The following WWOX variants were observed in gnomAD, a reference collection of about 807,000 sequenced individuals.
WWOX encodes WW domain-containing oxidoreductase.
In WWOX, 69 loss-of-function variants were observed where a neutral mutation model predicts 46.2. That is an observed-to-expected ratio of 1.49 (90% CI 1.23 to 1.82). WWOX has a LOEUF of 1.82. Among genes scored for constraint, WWOX ranks in the 40% most tolerant of loss-of-function variants. The pLI is 0.00. For synonymous variants in WWOX, 359 were observed against 202.6 expected (o/e 1.77, Z -6.56); for missense variants, 919 against 542.6 (o/e 1.69, Z -6.89).
chr16:78,821,803 C>A (rs2051503256), intron 8 of WWOX, among the ~76,000 whole-genome samples: 1 of 152,152 alleles, frequency 6.6e-6, no homozygotes, highest in Non-Finnish European at 1.5e-5. Flanking sequence ...AAATAGTCAG[C>A]AAATACCATC....
At chr16:78,825,382 T>C (rs1377851762) in intron 8 of WWOX, 3 of 260,864 alleles carry the variant, frequency 1.2e-5, no homozygotes, top group African/African-American at 6.7e-5. Context: ...AAGACGCTTC[T>C]CTGAAGCTCA....
At chr16:78,643,140 G>C (rs2046759753) in intron 8 of WWOX, among the ~76,000 whole-genome samples, 1 of 152,126 alleles carries the variant, frequency 6.6e-6, no homozygotes, top group South Asian at 2.1e-4. Context: ...CAGCTATCCA[G>C]ACCCAAGAGG....
At chr16:78,723,082 C>G (rs1173768258) in intron 8 of WWOX, among the ~76,000 whole-genome samples, 2 of 152,000 alleles carry the variant, frequency 1.3e-5, no homozygotes, top group Admixed American at 6.6e-5. Context: ...ATGATGAGTA[C>G]CTGGATTAAA....
chr16:78,210,474 GAC>G (rs532381377), intron 5 of WWOX, among the ~76,000 whole-genome samples: 42 of 151,950 alleles, frequency 2.8e-4, no homozygotes, highest in Admixed American at 1.7e-3. Context: ...GTTGAAACCT[GAC>G]ACACACACGC....
intron 8 of WWOX, among the ~76,000 whole-genome samples, chr16:79,004,957 A>G (rs913740330): frequency 3.7e-4 from 57 of 152,162 alleles, no homozygotes; most frequent in African/African-American, 1.3e-3. Context: ...TTCAGAAAGG[A>G]GGAGTTGTTG....
chr16:78,701,504 T>C (rs1479000277), intron 8 of WWOX, among the ~76,000 whole-genome samples: 1 of 152,096 alleles, frequency 6.6e-6, no homozygotes, highest in Non-Finnish European at 1.5e-5. Flanking sequence ...TCTCTCTACC[T>C]CTATCTCTTC....
Position 78,152,454 on chromosome 16 carries a change from G to A in WWOX, c.410-11729G>A, listed in dbSNP as rs187325832. On this transcript the variant is annotated intron_variant, in intron 4 of 8. Coordinates refer to ENST00000566780, the MANE Select transcript of WWOX (RefSeq NM_016373.4). ...CAAAGAGCATGTCCACTTCAAATTT[G>A]ATAGCTATGTCCCAACTGCCCCCAA... Among the ~76,000 whole-genome samples the A allele has an allele frequency of 3.5e-4, 53 of 152,238 alleles. 6 individuals are homozygous for A. The highest frequency in any genetic ancestry group is 3.1e-3 in the East Asian group (16 of 5,172).
At chr16:78,153,582 C>G (rs34451070) in intron 4 of WWOX, among the ~76,000 whole-genome samples, 1,823 of 152,058 alleles carry the variant, frequency 0.012, 20 homozygotes, top group Non-Finnish European at 0.019. Context: ...TCCTAAAGAT[C>G]GTTTTAGTGC....
chr16:79,173,750 C>T (rs1282676491), intron 8 of WWOX, among the ~76,000 whole-genome samples: 4 of 151,738 alleles, frequency 2.6e-5, no homozygotes. Context: ...ACTAGGTAGC[C>T]ACTAAAATAA....
chr16:78,659,025 G>A (rs1358974792), intron 8 of WWOX, among the ~76,000 whole-genome samples: 1 of 150,606 alleles, frequency 6.6e-6, no homozygotes, highest in Non-Finnish European at 1.5e-5. Flanking sequence ...CTGGGAGGCA[G>A]AGGTTGCAGT....
intron 8 of WWOX, among the ~76,000 whole-genome samples, chr16:78,484,248 C>G (rs1188452498): frequency 6.6e-6 from 1 of 152,110 alleles, no homozygotes; most frequent in Non-Finnish European, 1.5e-5. Context: ...TCTCTTTAGG[C>G]CTTGGCATAT....
intron 8 of WWOX, among the ~76,000 whole-genome samples, chr16:79,153,887 C>G (rs2050329734): frequency 6.6e-6 from 1 of 152,116 alleles, no homozygotes; most frequent in South Asian, 2.1e-4. Flanking sequence ...GGTATGGCCC[C>G]TAAGGTTTGA....
chr16:78,119,359 A>G lies in WWOX; in HGVS notation c.409+4205A>G, dbSNP rs114431450. Among the ~76,000 whole-genome samples, 1,281 of 152,320 alleles carry G rather than the reference A, an allele frequency of 8.4e-3. 24 individuals are homozygous for G. Among genetic ancestry groups the G allele is most frequent in the African/African-American group, 0.029 (1,221 of 41,556 alleles). On this transcript the variant is annotated intron_variant, in intron 4 of 8. Coordinates refer to ENST00000566780, the MANE Select transcript of WWOX (RefSeq NM_016373.4). ...CCTGCTTCGTTTTTAGACACAGCCT[A>G]TCAGTCAGCTAATTTGGCTATGCAT...
chr16:78,510,069 G>A (rs1567613844), intron 8 of WWOX, among the ~76,000 whole-genome samples: 1 of 3,042 alleles, frequency 3.3e-4, no homozygotes, highest in African/African-American at 4.3e-4. Context: ...CTCCAAGTCT[G>A]TCTGTCTGTC....
intron 8 of WWOX, among the ~76,000 whole-genome samples, chr16:78,847,887 T>C (rs181032375): frequency 4.4e-4 from 67 of 152,210 alleles, no homozygotes; most frequent in Admixed American, 1.2e-3. Flanking sequence ...TGACAAGCGG[T>C]CAGATACTGG....
At chr16:78,562,844 C>T (rs1236186631) in intron 8 of WWOX, among the ~76,000 whole-genome samples, 1 of 152,170 alleles carries the variant, frequency 6.6e-6, no homozygotes, top group East Asian at 1.9e-4. Flanking sequence ...GGTACGGAGT[C>T]ATCACATCCC....
chr16:78,680,490 C>G (rs544635565), intron 8 of WWOX, among the ~76,000 whole-genome samples: 1 of 152,240 alleles, frequency 6.6e-6, no homozygotes, highest in South Asian at 2.1e-4. Context: ...TGCCACTTCA[C>G]TGCGGCCTGA....
chr16:78,917,558 C>A (rs957593235), intron 8 of WWOX, among the ~76,000 whole-genome samples: 3 of 152,038 alleles, frequency 2.0e-5, no homozygotes, highest in Non-Finnish European at 4.4e-5. Flanking sequence ...TCCTAACCCC[C>A]AACCACTGTC....
At chr16:78,791,253 C>G (rs1289448419) in intron 8 of WWOX, among the ~76,000 whole-genome samples, 1 of 152,044 alleles carries the variant, frequency 6.6e-6, no homozygotes, top group Non-Finnish European at 1.5e-5. Flanking sequence ...AACACACACC[C>G]TCCCTCCGAT....
Sources: allele counts gnomAD v4.1 joint callset (sites outside exome capture counted in the v4.1 genomes callset), GRCh38; gene constraint gnomAD v4.1.1; transcripts MANE v1.5; gene names NCBI Gene and HGNC (gene_info 2026-07-23, HGNC 2026-07-21).